Variants in TEX14 observed in about 807,000 individuals in gnomAD.
TEX14 encodes inactive serine/threonine-protein kinase TEX14.
A neutral mutation model predicts 178.6 loss-of-function variants in TEX14; 168 were observed. The ratio of observed to expected loss-of-function variants is 0.94; its 90% CI spans 0.83 to 1.07. The LOEUF is 1.07. Ranked by LOEUF, TEX14 falls within the 50% of genes least tolerant of loss-of-function variation. The pLI, the probability that TEX14 is intolerant of heterozygous loss-of-function variation, is 0.00. For missense variants in TEX14, 1,730 were observed against 1,753.6 expected (o/e 0.99, Z 0.24); for synonymous variants, 626 against 634.1 (o/e 0.99, Z 0.19).
chr17:58,605,891 T>C (rs1025893252), intron 10 of TEX14, among the ~76,000 whole-genome samples: 1 of 152,186 alleles, frequency 6.6e-6, no homozygotes, highest in Non-Finnish European at 1.5e-5. Flanking sequence ...GTCAGCTCCA[T>C]GAGAGTAGGC....
Position 58,611,255 on chromosome 17 carries a change from G to A in TEX14, c.1090C>T (p.Gln364Ter). The A allele has an allele frequency of 6.2e-7, 1 of 1,613,462 alleles. No individual in the cohort carries two copies. The highest frequency in any genetic ancestry group is 8.5e-7 in the Non-Finnish European group (1 of 1,179,452). The change falls in exon 10 of 32, where the codon CAG (glutamine) becomes TAG (stop). Residue 364 changes from glutamine to a stop codon, truncating the protein, a stop_gained. Transcript: ENST00000349033. LOFTEE classifies it high-confidence loss of function. ...CTGAGGGAGCGGTGGATAAACCCCT[G>A]GAAATGCAGGTATCTCAGGGCATCA... ...ISDALRYLHF[Q>*]GFIHRSLSSY...
At chr17:58,682,703 T>A (rs1051779020) in intron 1 of TEX14, among the ~76,000 whole-genome samples, 20 of 152,330 alleles carry the variant, frequency 1.3e-4, no homozygotes, top group African/African-American at 4.8e-4. Context: ...AAGTGGCTCA[T>A]GAATCCTCAC....
At chr17:58,588,702 G>A (rs2144423301) in intron 15 of TEX14, among the ~76,000 whole-genome samples, 1 of 152,180 alleles carries the variant, frequency 6.6e-6, no homozygotes, top group Non-Finnish European at 1.5e-5. Flanking sequence ...ATCTGACTTT[G>A]GCAAACATCA....
chr17:58,619,522 G>A (rs913995611), intron 5 of TEX14, among the ~76,000 whole-genome samples: 5 of 151,650 alleles, frequency 3.3e-5, no homozygotes, highest in Non-Finnish European at 7.4e-5. Flanking sequence ...ATTAAGAGGA[G>A]GGGGGGCGGG....
chr17:58,630,658 T>C (rs694720), intron 2 of TEX14, 104 bp from the exon 3 acceptor site: 194,712 of 728,882 alleles, frequency 0.27, 30,487 homozygotes, highest in Middle Eastern at 0.37. Flanking sequence ...TACTTTCATA[T>C]ATTGCTGTGA....
At chr17:58,596,123 C>T (rs2045273538) in intron 14 of TEX14, among the ~76,000 whole-genome samples, 1 of 151,926 alleles carries the variant, frequency 6.6e-6, no homozygotes, top group Non-Finnish European at 1.5e-5. Context: ...GTGGAAGTTG[C>T]AGTGAGCTGA....
chr17:58,623,020 G>T lies in TEX14; in HGVS notation c.252-8C>A. 6.3e-7 allele frequency: 1 copy of T among 1,586,684 alleles called. No homozygotes were observed. Among genetic ancestry groups the T allele is most frequent in the South Asian group, 1.1e-5 (1 of 90,060 alleles). On this transcript the variant is annotated splice_polypyrimidine_tract_variant and splice_region_variant and intron_variant, in intron 3 of 31. Transcript: ENST00000349033. ...CTCCCATCAAAGCAGCGGCTGGGGA[G>T]GGAGATGAGTACAATTGATGTCCAT...
chr17:58,598,592 A>G (rs2045349961), intron 14 of TEX14, among the ~76,000 whole-genome samples: 1 of 152,222 alleles, frequency 6.6e-6, no homozygotes, highest in South Asian at 2.1e-4. Context: ...GAGAGTATCT[A>G]CGTTGGAATT....
intron 4 of TEX14, among the ~76,000 whole-genome samples, chr17:58,622,007 C>T (rs1042613570): frequency 6.6e-6 from 1 of 152,182 alleles, no homozygotes; most frequent in African/African-American, 2.4e-5. Flanking sequence ...GATGAGGAAA[C>T]CAAGGCCAAG....
At chr17:58,564,222 G>C (rs2044350383) in intron 28 of TEX14, 1 of 152,160 alleles carries the variant, frequency 6.6e-6, no homozygotes, top group South Asian at 2.1e-4. Flanking sequence ...ATCTCAAAGA[G>C]ATATCCGTAC....
intron 10 of TEX14, among the ~76,000 whole-genome samples, chr17:58,607,958 G>A (rs1289238780): frequency 6.6e-6 from 1 of 152,078 alleles, no homozygotes; most frequent in African/African-American, 2.4e-5. Flanking sequence ...CTATGGCCTG[G>A]GCAAAAGAGA....
intron 5 of TEX14, among the ~76,000 whole-genome samples, chr17:58,620,678 G>C (rs1209958519): frequency 6.6e-6 from 1 of 152,066 alleles, no homozygotes; most frequent in African/African-American, 2.4e-5. Flanking sequence ...ATTTTTAGTA[G>C]AGACGGGGGT....
chr17:58,620,169 C>T (rs944539527), intron 5 of TEX14, among the ~76,000 whole-genome samples: 1 of 152,086 alleles, frequency 6.6e-6, no homozygotes, highest in African/African-American at 2.4e-5. Flanking sequence ...TCCATACAAG[C>T]GCCAGGGGCA....
At chr17:58,597,354 G>A (rs1042189197) in intron 14 of TEX14, among the ~76,000 whole-genome samples, 5 of 152,196 alleles carry the variant, frequency 3.3e-5, no homozygotes, top group East Asian at 1.9e-4. Context: ...AGCAGAGATC[G>A]TGCCACTGTA....
At chr17:58,645,161 T>G (rs1399677209) in intron 2 of TEX14, among the ~76,000 whole-genome samples, 1 of 150,822 alleles carries the variant, frequency 6.6e-6, no homozygotes. Context: ...AATTTTTTTG[T>G]ATTTTTAGTA....
chr17:58,616,667 A>G (rs1156732040), intron 6 of TEX14, among the ~76,000 whole-genome samples: 1 of 151,980 alleles, frequency 6.6e-6, no homozygotes. Context: ...CAAGTGATCC[A>G]CCCACCTTGG....
At chr17:58,674,393 G>C (rs1440126762) in intron 1 of TEX14, among the ~76,000 whole-genome samples, 2 of 152,184 alleles carry the variant, frequency 1.3e-5, no homozygotes, top group Admixed American at 1.3e-4. Context: ...AGTCCGGCCA[G>C]GCGCAGTGGC....
intron 16 of TEX14, 73 bp from the exon 17 acceptor site, chr17:58,587,739 G>A: frequency 7.9e-7 from 1 of 1,267,292 alleles, no homozygotes; most frequent in Non-Finnish European, 1.1e-6. Context: ...TCAAGTTCTT[G>A]ACAGAACCAA....
chr17:58,661,138 T>C (rs1363580685), intron 1 of TEX14: 4 of 843,512 alleles, frequency 4.7e-6, no homozygotes, highest in Non-Finnish European at 8.4e-6. Context: ...GTCTTTGAGA[T>C]GCCATAGCAA....
Sources: gnomAD v4.1 joint callset for allele counts (sites outside exome capture counted in the v4.1 genomes callset) on GRCh38, gnomAD v4.1.1 for gene constraint, MANE v1.5 for transcripts, NCBI Gene and HGNC (gene_info 2026-07-23, HGNC 2026-07-21) for gene names.